Variants in ARHGEF12 observed in about 807,000 individuals in gnomAD.
ARHGEF12 encodes KMT2A/ARHGEF12 fusion protein.
ARHGEF12 carries 66 observed loss-of-function variants against 211.2 expected under a neutral mutation model. That is an observed-to-expected ratio of 0.31 (90% CI 0.26 to 0.38). The LOEUF is 0.38. ARHGEF12 is among the 10% of genes least tolerant of loss of function. The probability of loss-of-function intolerance (pLI) is 1.00; values close to 1 mark genes in which losing one functional copy is unlikely to be tolerated. For missense variants in ARHGEF12, 1,429 were observed against 1,869.5 expected (o/e 0.76, Z 4.34); for synonymous variants, 592 against 638.4 (o/e 0.93, Z 1.09).
Position 120,475,428 on chromosome 11 carries a change from G to C in ARHGEF12, c.3198G>C (p.Leu1066=). 1 of 1,614,024 alleles carries C rather than the reference G, an allele frequency of 6.2e-7. No individual in the cohort carries two copies. Among genetic ancestry groups the C allele is most frequent in the African/African-American group, 1.3e-5 (1 of 75,004 alleles). ...RLVLRCHSKI[L]ASTADSKHTF... ...TTTTAAGGTGTCATAGTAAGATTCT[G>C]GCATCTACAGCTGATAGCAAACACA... is the stretch of plus-strand genomic sequence containing the variant. Residue 1066 remains leucine (L), a synonymous_variant, in exon 33 of 41, where the codon CTG becomes CTC. Coordinates refer to ENST00000397843, the MANE Select transcript of ARHGEF12 (RefSeq NM_015313.3).
intron 1 of ARHGEF12, among the ~76,000 whole-genome samples, chr11:120,390,913 T>C (rs564531442): frequency 1.3e-5 from 2 of 152,304 alleles, no homozygotes; most frequent in African/African-American, 4.8e-5. Context: ...CTTATAGAAT[T>C]ATTGTTAAAA....
At chr11:120,447,148 G>C in intron 18 of ARHGEF12, 63 bp downstream of exon 18, 1 of 1,531,244 alleles carries the variant, frequency 6.5e-7, no homozygotes, top group Non-Finnish European at 8.8e-7. Flanking sequence ...TGCTTGAAGT[G>C]TCCTTTGGGT....
At chr11:120,473,605 G>A (rs1946941238) in intron 31 of ARHGEF12, among the ~76,000 whole-genome samples, 1 of 152,140 alleles carries the variant, frequency 6.6e-6, no homozygotes, top group African/African-American at 2.4e-5. Context: ...TCGCTGTGTT[G>A]TCAGGTTGGT....
chr11:120,481,663 A>G, intron 39 of ARHGEF12, 87 bp downstream of exon 39: 1 of 1,316,912 alleles, frequency 7.6e-7, no homozygotes, highest in Non-Finnish European at 1.1e-6. Context: ...TGCTGATGTC[A>G]ATAAACTTGT....
chr11:120,424,429 ATTC>A lies in ARHGEF12; in HGVS notation c.406+17_406+19del, dbSNP rs749181973. 2 of 1,611,284 alleles carry A rather than the reference ATTC, an allele frequency of 1.2e-6. No homozygotes were observed. Among genetic ancestry groups the A allele is most frequent in the African/African-American group, 2.7e-5 (2 of 75,002 alleles). ...AGCTAATCAAATGTAGGTGAATGTT[ATTC>A]TTAGTTTTAATTGTTTTCTGAAACC... On this transcript the variant is annotated intron_variant, in intron 7 of 40. Coordinates refer to ENST00000397843, the MANE Select transcript of ARHGEF12 (RefSeq NM_015313.3).
chr11:120,455,530 C>T (rs1012881756), intron 22 of ARHGEF12, among the ~76,000 whole-genome samples: 2 of 152,190 alleles, frequency 1.3e-5, no homozygotes, highest in African/African-American at 4.8e-5. Context: ...TTCAGATACA[C>T]AAGGTCCACA....
In ARHGEF12 at chr11:120,429,485, A is replaced by C; in HGVS notation, c.631A>C (p.Lys211Gln). 1.2e-6 allele frequency: 2 copies of C among 1,613,946 alleles called. No homozygotes were observed. The highest frequency in any genetic ancestry group is 1.7e-6 in the Non-Finnish European group (2 of 1,179,924). ...VHNQKVEILR[K>Q]MLQKEQERLQ... is the part of the protein sequence containing the mutation. ...TAACCAGAAAGTAGAAATTCTGAGAAAAATGTTACAGAAAGAACAGGAACG... is the reference window on the plus strand; with the variant it reads ...TAACCAGAAAGTAGAAATTCTGAGACAAATGTTACAGAAAGAACAGGAACG... Residue 211 changes from lysine (K) to glutamine (Q), a missense_variant, in exon 9 of 41, where the codon AAA becomes CAA. Lys to Gln is a moderately conservative substitution (Grantham distance 53, BLOSUM62 1). Around this residue, in one of 7 missense-constraint regions of ARHGEF12, gnomAD observed 254 missense variants for 286.4 expected, o/e 0.89. Transcript: ENST00000397843.
intron 1 of ARHGEF12, chr11:120,385,377 C>T: frequency 2.0e-6 from 2 of 985,266 alleles, no homozygotes; most frequent in Non-Finnish European, 2.4e-6. Flanking sequence ...AAAGAAAAAG[C>T]TTAGGATTGC....
At chr11:120,459,476 C>T (rs1230928312) in intron 26 of ARHGEF12, 156 bp downstream of exon 26, 18 of 788,818 alleles carry the variant, frequency 2.3e-5, no homozygotes, top group Non-Finnish European at 3.4e-5. Context: ...TGACTAGATC[C>T]TTTTCCTCAC....
rs953731142 is a variant in ARHGEF12, at chr11:120,336,870, C to T, written c.-374C>T. On this transcript the variant is annotated 5_prime_UTR_variant, in exon 1 of 41. Coordinates refer to ENST00000397843, the MANE Select transcript of ARHGEF12 (RefSeq NM_015313.3). ...GGCCCCGAGACTCCGGAGGAGGAGC[C>T]GACACCCGTCCGTGAGCTGATCCCG... The T allele has an allele frequency of 2.6e-6, 1 of 386,858 alleles. No individual in the cohort carries two copies. The allele number at this position is 386,858 out of a possible 1,614,324, so 24.0% of individuals were successfully genotyped here.
intron 11 of ARHGEF12, among the ~76,000 whole-genome samples, chr11:120,436,780 A>C (rs575662498): frequency 1.3e-5 from 2 of 152,328 alleles, no homozygotes; most frequent in South Asian, 2.1e-4. Context: ...ATTTTATATC[A>C]GGGACTTGAG....
At chr11:120,394,169 T>C (rs1439210676) in intron 1 of ARHGEF12, among the ~76,000 whole-genome samples, 3 of 152,040 alleles carry the variant, frequency 2.0e-5, no homozygotes, top group Non-Finnish European at 4.4e-5. Context: ...TAAAAACTTA[T>C]AGCATTAAAC....
chr11:120,452,040 A>G (rs1323898498), intron 22 of ARHGEF12, among the ~76,000 whole-genome samples: 1 of 152,228 alleles, frequency 6.6e-6, no homozygotes, highest in Non-Finnish European at 1.5e-5. Context: ...AAAAAATGCA[A>G]ATTGTGCCAA....
At chr11:120,443,233 T>A (rs934364483) in intron 15 of ARHGEF12, among the ~76,000 whole-genome samples, 15 of 152,176 alleles carry the variant, frequency 9.9e-5, no homozygotes, top group African/African-American at 3.4e-4. Context: ...TTGCCCAGGC[T>A]GGTCTTGAAC....
At chr11:120,342,807 A>G (rs561836524) in intron 1 of ARHGEF12, among the ~76,000 whole-genome samples, 2 of 152,334 alleles carry the variant, frequency 1.3e-5, no homozygotes, top group South Asian at 2.1e-4. Flanking sequence ...AGTACCCTCA[A>G]TGTAACAAAT....
Position 120,440,221 on chromosome 11 carries a change from G to A in ARHGEF12, c.1092G>A (p.Gln364=). 6.2e-7 allele frequency: 1 copy of A among 1,607,096 alleles called. No homozygotes were observed. Among genetic ancestry groups the A allele is most frequent in the Admixed American group, 1.7e-5 (1 of 59,288 alleles). Residue 364 remains glutamine (Q), a splice_region_variant and synonymous_variant, in exon 13 of 41, where the codon CAG becomes CAA. Coordinates refer to ENST00000397843, the MANE Select transcript of ARHGEF12 (RefSeq NM_015313.3). ...ATGATTTTGGTACTGAACATGAACA[G>A]GTGATGACTTTTTTCTTTCTAAAAA... ...EDDDFGTEHE[Q]INGQCSCFQS...
chr11:120,398,351 C>A (rs1944452814), intron 1 of ARHGEF12, among the ~76,000 whole-genome samples: 1 of 152,150 alleles, frequency 6.6e-6, no homozygotes, highest in Admixed American at 6.6e-5. Flanking sequence ...ACTCATCCTC[C>A]AACCTTTCAA....
At chr11:120,339,890 C>T (rs974186765) in intron 1 of ARHGEF12, among the ~76,000 whole-genome samples, 1 of 152,188 alleles carries the variant, frequency 6.6e-6, no homozygotes, top group African/African-American at 2.4e-5. Flanking sequence ...CATTAACTTG[C>T]TCTCTTCTCT....
chr11:120,457,886 C>G, intron 24 of ARHGEF12, 130 bp downstream of exon 24: 1 of 1,178,608 alleles, frequency 8.5e-7, no homozygotes, highest in Non-Finnish European at 1.2e-6. Context: ...AAAGAAAGCT[C>G]TTAAGAAACA....
Sources: gnomAD v4.1 joint callset for allele counts (sites outside exome capture counted in the v4.1 genomes callset) on GRCh38, gnomAD v4.1.1 for gene constraint, gnomAD v4.1.1 regional missense constraint, MANE v1.5 for transcripts, NCBI Gene and HGNC (gene_info 2026-07-23, HGNC 2026-07-21) for gene names.